The following DMD variants were observed in gnomAD, a reference collection of about 807,000 sequenced individuals.
The protein encoded by DMD is dystrophin.
Under a neutral mutation model 330.1 loss-of-function variants are expected in DMD, and 63 were observed. That is an observed-to-expected ratio of 0.19 (90% CI 0.16 to 0.24). DMD has a LOEUF of 0.24. Ranked by LOEUF, DMD falls within the 10% of genes least tolerant of loss-of-function variation. The pLI is 1.00. For missense variants in DMD, 3,344 were observed against 2,684.1 expected, an observed-to-expected ratio of 1.25 and a Z score of -5.43; for synonymous variants, 1,223 against 959.8, an observed-to-expected ratio of 1.27 and a Z score of -5.07.
chrX:31,916,478 C>T (rs896963831), intron 47 of DMD, among the ~76,000 whole-genome samples: 1 of 111,966 alleles, frequency 8.9e-6, no homozygotes, highest in Non-Finnish European at 1.9e-5. Context: ...TATCTAAAGT[C>T]AGGCTCAATT....
At chrX:32,117,348 A>C (rs2096615258) in intron 44 of DMD, among the ~76,000 whole-genome samples, 2 of 111,843 alleles carry the variant, frequency 1.8e-5, no homozygotes, top group African/African-American at 6.5e-5. Flanking sequence ...GTCAAAAGAC[A>C]CATGAGAATA....
chrX:32,342,923 T>C (rs1245126009), intron 40 of DMD: 2 of 469,369 alleles, frequency 4.3e-6, no homozygotes, highest in Non-Finnish European at 7.6e-6. Context: ...TCACTTTACA[T>C]AGTCTAAAAC....
chrX:33,195,979 C>A (rs969153217), intron 1 of DMD, among the ~76,000 whole-genome samples: 2 of 111,279 alleles, frequency 1.8e-5, no homozygotes. Context: ...GAGTCAGAAG[C>A]CGAGAAGCAA....
intron 51 of DMD, among the ~76,000 whole-genome samples, chrX:31,758,230 C>T (rs5006692): frequency 0.076 from 8,410 of 111,096 alleles, 304 homozygotes; most frequent in South Asian, 0.19. Flanking sequence ...CATATTTTCT[C>T]CCCATTGCTC....
At chrX:32,105,498 TCA>T (rs1312136604) in intron 44 of DMD, among the ~76,000 whole-genome samples, 1 of 112,225 alleles carries the variant, frequency 8.9e-6, no homozygotes, top group Non-Finnish European at 1.9e-5. Context: ...TTGAGTTATT[TCA>T]CATACACAAA....
chrX:31,426,832 A>C (rs1018312162), intron 60 of DMD, among the ~76,000 whole-genome samples: 3 of 112,283 alleles, frequency 2.7e-5, no homozygotes, highest in Non-Finnish European at 3.8e-5. Flanking sequence ...GTCTGTTAAA[A>C]ACTAAACATA....
At chrX:31,322,880 G>C (rs955541629) in intron 62 of DMD, among the ~76,000 whole-genome samples, 2 of 111,820 alleles carry the variant, frequency 1.8e-5, no homozygotes, top group Non-Finnish European at 3.8e-5. Flanking sequence ...CCAATTCAAA[G>C]TTAAATTTAA....
chrX:32,169,851 C>A (rs780517157), intron 44 of DMD, among the ~76,000 whole-genome samples: 1 of 108,775 alleles, frequency 9.2e-6, no homozygotes, highest in Non-Finnish European at 1.9e-5. Context: ...CATTTCATTT[C>A]GACTTATCTT....
In DMD at chrX:31,384,058, T is replaced by C. The variant is rs73468332; in HGVS notation, c.9085-35424A>G. On this transcript the variant is annotated intron_variant, in intron 60 of 78. Transcript: ENST00000357033. ...AGATGGCAAAGATAAAAGGGCCCTG[T>C]AACACTCCTTCTGGGGATTCAAGGG... Among the ~76,000 whole-genome samples, 756 of 111,574 alleles carry C rather than the reference T, an allele frequency of 6.8e-3. 5 individuals are homozygous for C. Among genetic ancestry groups the C allele is most frequent in the East Asian group, 0.028 (99 of 3,507 alleles).
intron 1 of DMD, among the ~76,000 whole-genome samples, chrX:33,291,981 T>C (rs1287193536): frequency 8.9e-6 from 1 of 111,874 alleles, no homozygotes; most frequent in Admixed American, 9.6e-5. Context: ...GTCCACATTA[T>C]CTCAAGCAAA....
At chrX:32,682,228 G>C (rs2062479111) in intron 9 of DMD, among the ~76,000 whole-genome samples, 1 of 111,644 alleles carries the variant, frequency 9.0e-6, no homozygotes, top group Non-Finnish European at 1.9e-5. Flanking sequence ...TTGGTTCACT[G>C]TCTCTCATTC....
At chrX:33,192,950 T>A (rs1383280281) in intron 1 of DMD, among the ~76,000 whole-genome samples, 2 of 111,950 alleles carry the variant, frequency 1.8e-5, no homozygotes, top group African/African-American at 6.5e-5. Context: ...GTACACACTA[T>A]GAAACTTGAG....
intron 61 of DMD, among the ~76,000 whole-genome samples, chrX:31,332,586 C>T (rs2057188520): frequency 8.9e-6 from 1 of 111,841 alleles, no homozygotes; most frequent in Non-Finnish European, 1.9e-5. Flanking sequence ...GCAGTTGAGA[C>T]GTGTGGGTTG....
At chrX:32,695,194 T>C (rs761356780) in intron 9 of DMD, among the ~76,000 whole-genome samples, 4 of 112,062 alleles carry the variant, frequency 3.6e-5, no homozygotes, top group Non-Finnish European at 5.6e-5. Flanking sequence ...AAGTGCAGCG[T>C]CACCCTACTA....
At chrX:33,290,419 G>T (rs2053495712) in intron 1 of DMD, among the ~76,000 whole-genome samples, 1 of 111,017 alleles carries the variant, frequency 9.0e-6, no homozygotes, top group South Asian at 3.8e-4. Context: ...CTCATAAGCG[G>T]CTCCTTATTT....
intron 57 of DMD, among the ~76,000 whole-genome samples, chrX:31,492,925 G>T (rs1186401397): frequency 9.0e-6 from 1 of 110,903 alleles, no homozygotes; most frequent in Non-Finnish European, 1.9e-5. Flanking sequence ...ACCTAATGTA[G>T]ATGACGGGTT....
At chrX:32,273,053 G>C (rs1267504649) in intron 43 of DMD, among the ~76,000 whole-genome samples, 1 of 111,476 alleles carries the variant, frequency 9.0e-6, no homozygotes, top group Non-Finnish European at 1.9e-5. Flanking sequence ...TTAAATCTAA[G>C]TCAGACAAAA....
In DMD at chrX:31,336,706, G is replaced by C. The variant is rs144323083; in HGVS notation, c.9163+11850C>G. Among the ~76,000 whole-genome samples the C allele has an allele frequency of 1.4e-3, 160 of 111,540 alleles. No homozygotes were observed. In the East Asian group the frequency reaches 0.04, roughly 28 times the overall value. On this transcript the variant is annotated intron_variant, in intron 61 of 78. Transcript: ENST00000357033. ...TGAATGTAATACACAGAGATAAACA[G>C]AGATGACAGATGGGTGGGGAAGTTT...
Position 32,818,001 on chromosome X carries a change from A to G in DMD, c.358-1361T>C, listed in dbSNP as rs145801545. Among the ~76,000 whole-genome samples, 159 of 111,995 alleles carry G rather than the reference A, an allele frequency of 1.4e-3. 1 individual carries two copies. The East Asian group carries it at 0.037, about 26-fold the overall frequency. On this transcript the variant is annotated intron_variant, in intron 5 of 78. Transcript: ENST00000357033. ...AGTTTTCCTAATTCCTTCTTGACCT[A>G]CTTATTTAGTCAGTTACTCAGTGAA...
Sources: allele counts gnomAD v4.1 joint callset (sites outside exome capture counted in the v4.1 genomes callset), GRCh38; gene constraint gnomAD v4.1.1; transcripts MANE v1.5; gene names NCBI Gene and HGNC (gene_info 2026-07-23, HGNC 2026-07-21).